The following SDK1 variants were observed in gnomAD, a reference collection of about 807,000 sequenced individuals.
SDK1 encodes the protein protein sidekick-1.
SDK1 carries 157 observed loss-of-function variants against 245.5 expected under a neutral mutation model. The observed-to-expected ratio is 0.64, with a 90% confidence interval of 0.56 to 0.73. SDK1 has a LOEUF of 0.73. Ranked by LOEUF, SDK1 falls within the 30% of genes least tolerant of loss-of-function variation. The probability of loss-of-function intolerance (pLI) is 0.00; values close to 1 mark genes in which losing one functional copy is unlikely to be tolerated. For synonymous variants in SDK1, 1,647 were observed against 1,278.5 expected, an observed-to-expected ratio of 1.29 and a Z score of -6.15; for missense variants, 3,583 against 3,002.3, an observed-to-expected ratio of 1.19 and a Z score of -4.52.
At position 3,898,981 on chromosome 7, in the gene SDK1, A is replaced by G. The variant is rs901593048; in HGVS notation, c.848-51942A>G. On this transcript the variant is annotated intron_variant, in intron 5 of 44. Coordinates refer to ENST00000404826, the MANE Select transcript of SDK1 (RefSeq NM_152744.4). ...TCTAAGTTAATGGTTTCCCAATTCTATAGTAAGGTGAAACAGTCCATATCT... is the reference window on the plus strand; with the variant it reads ...TCTAAGTTAATGGTTTCCCAATTCTGTAGTAAGGTGAAACAGTCCATATCT... 2.6e-5 allele frequency among the ~76,000 whole-genome samples: 4 copies of G among 152,342 alleles called. 1 individual carries two copies. Among genetic ancestry groups the G allele is most frequent in the Non-Finnish European group, 4.4e-5 (3 of 68,022 alleles).
At chr7:3,740,322 G>T (rs1779442628) in intron 4 of SDK1, among the ~76,000 whole-genome samples, 1 of 152,204 alleles carries the variant, frequency 6.6e-6, no homozygotes, top group Admixed American at 6.5e-5. Context: ...CCAGGAATAA[G>T]TCAGAGCAGT....
At chr7:4,227,442 A>G in intron 40 of SDK1, 2 of 470,762 alleles carry the variant, frequency 4.2e-6, no homozygotes, top group South Asian at 3.1e-5. Flanking sequence ...CTTTTTTTTA[A>G]ATCAGATGTA....
At chr7:3,866,204 T>C (rs893018688) in intron 5 of SDK1, among the ~76,000 whole-genome samples, 1 of 152,236 alleles carries the variant, frequency 6.6e-6, no homozygotes, top group Admixed American at 6.5e-5. Flanking sequence ...CAGATCACAC[T>C]GAAGAGCTGA....
chr7:4,246,114 G>A (rs373504006), intron 44 of SDK1, among the ~76,000 whole-genome samples: 1 of 152,084 alleles, frequency 6.6e-6, no homozygotes. Context: ...ACACAGCTTC[G>A]AGCAGTCTAG....
intron 4 of SDK1, among the ~76,000 whole-genome samples, chr7:3,709,487 C>T (rs1013273357): frequency 1.3e-5 from 2 of 152,212 alleles, no homozygotes; most frequent in East Asian, 3.9e-4. Context: ...GGAGGCAGTC[C>T]GTCCCACTGT....
intron 1 of SDK1, among the ~76,000 whole-genome samples, chr7:3,527,236 A>T (rs1025435603): frequency 6.6e-6 from 1 of 152,202 alleles, no homozygotes; most frequent in African/African-American, 2.4e-5. Flanking sequence ...TGGGAATGCT[A>T]TGGTAAATAA....
intron 4 of SDK1, among the ~76,000 whole-genome samples, chr7:3,722,876 C>T (rs1435605353): frequency 1.3e-5 from 2 of 152,208 alleles, no homozygotes; most frequent in African/African-American, 2.4e-5. Flanking sequence ...CCTCCTCTCT[C>T]AGGACATATG....
At chr7:3,916,422 G>T (rs1013649424) in intron 5 of SDK1, among the ~76,000 whole-genome samples, 1 of 152,184 alleles carries the variant, frequency 6.6e-6, no homozygotes, top group Non-Finnish European at 1.5e-5. Flanking sequence ...TGAGTTTGGG[G>T]TCCTGAGTTT....
At chr7:4,237,604 A>G in intron 41 of SDK1, 43 bp from the exon 42 acceptor site, 2 of 1,611,402 alleles carry the variant, frequency 1.2e-6, no homozygotes, top group Non-Finnish European at 1.7e-6. Flanking sequence ...CTGCAGCTGG[A>G]GCGTCTGCCC....
intron 5 of SDK1, among the ~76,000 whole-genome samples, chr7:3,908,389 C>G (rs555233191): frequency 1.3e-5 from 2 of 152,318 alleles, no homozygotes; most frequent in East Asian, 3.9e-4. Flanking sequence ...CCACCACGAA[C>G]CTCGTGTCCC....
At chr7:3,459,363 C>T (rs78481295) in intron 1 of SDK1, among the ~76,000 whole-genome samples, 2 of 152,020 alleles carry the variant, frequency 1.3e-5, no homozygotes, top group East Asian at 1.9e-4. Context: ...ATGCACAAAT[C>T]GTTTGCTGTT....
At chr7:3,629,546 G>C (rs1782228123) in intron 2 of SDK1, among the ~76,000 whole-genome samples, 1 of 152,164 alleles carries the variant, frequency 6.6e-6, no homozygotes, top group Non-Finnish European at 1.5e-5. Context: ...TCATATTCAT[G>C]AGTTTATCAG....
At chr7:3,768,615 C>G (rs1166555398) in intron 4 of SDK1, among the ~76,000 whole-genome samples, 1 of 152,156 alleles carries the variant, frequency 6.6e-6, no homozygotes, top group African/African-American at 2.4e-5. Flanking sequence ...CACCAGCTGA[C>G]TGGAATAAAT....
intron 35 of SDK1, among the ~76,000 whole-genome samples, chr7:4,200,205 A>G (rs979701542): frequency 1.3e-5 from 2 of 152,144 alleles, no homozygotes; most frequent in Admixed American, 6.5e-5. Flanking sequence ...GACCCTGACA[A>G]TGGATTATCA....
chr7:3,387,558 C>CA (rs2128568890), intron 1 of SDK1, among the ~76,000 whole-genome samples: 1 of 152,216 alleles, frequency 6.6e-6, no homozygotes, highest in South Asian at 2.1e-4. Flanking sequence ...TAATCCTGTA[C>CA]CCAGGTCTGT....
At chr7:3,461,343 G>T (rs1780826155) in intron 1 of SDK1, among the ~76,000 whole-genome samples, 1 of 152,154 alleles carries the variant, frequency 6.6e-6, no homozygotes, top group Non-Finnish European at 1.5e-5. Flanking sequence ...TGATATAGCT[G>T]AAGTTGTATT....
Position 4,012,549 on chromosome 7 carries a change from C to CTTTTTTTTTTTTTTTTTTTTTTTT in SDK1, c.2420+334_2420+357dup, listed in dbSNP as rs777199429. 3.1e-4 allele frequency among the ~76,000 whole-genome samples: 8 copies of CTTTTTTTTTTTTTTTTTTTTTTTT among 25,988 alleles called. 2 individuals are homozygous for CTTTTTTTTTTTTTTTTTTTTTTTT. The highest frequency in any genetic ancestry group is 6.0e-4 in the Non-Finnish European group (6 of 10,038). The allele number at this position is 25,988 out of a possible 152,430, so 17.0% of individuals were successfully genotyped here. A position where few individuals can be genotyped will look rare whatever the true frequency, so the allele number is the denominator to read the frequency against. On this transcript the variant is annotated intron_variant, in intron 16 of 44. Transcript: ENST00000404826. ...GCAAGGTATATTGTTCAATGTGAAG[C>CTTTTTTTTTTTTTTTTTTTTTTTT]TTTTTTTTTTTTTTTTTTTTTTTTT...
intron 1 of SDK1, among the ~76,000 whole-genome samples, chr7:3,362,463 A>C (rs915048951): frequency 6.6e-6 from 1 of 152,116 alleles, no homozygotes; most frequent in African/African-American, 2.4e-5. Flanking sequence ...TGCAGCACCA[A>C]ACTCATAATT....
chr7:3,810,296 C>T (rs1298843888), intron 4 of SDK1, among the ~76,000 whole-genome samples: 1 of 152,144 alleles, frequency 6.6e-6, no homozygotes, highest in Non-Finnish European at 1.5e-5. Flanking sequence ...GATCTAAAGA[C>T]TGAAAACATG....
Sources: allele counts gnomAD v4.1 joint callset (sites outside exome capture counted in the v4.1 genomes callset), GRCh38; gene constraint gnomAD v4.1.1; transcripts MANE v1.5; gene names NCBI Gene and HGNC (gene_info 2026-07-23, HGNC 2026-07-21).